The following CNTNAP2 variants were observed in gnomAD, a reference collection of about 807,000 sequenced individuals.
CNTNAP2 encodes the protein contactin-associated protein-like 2.
A neutral mutation model predicts 155.2 loss-of-function variants in CNTNAP2; 98 were observed. The ratio of observed to expected loss-of-function variants is 0.63; its 90% confidence interval spans 0.54 to 0.75. CNTNAP2 has a LOEUF of 0.75. CNTNAP2 is among the 30% of genes least tolerant of loss of function. The pLI is 0.00. For synonymous variants in CNTNAP2, 651 were observed against 631.2 expected (o/e 1.03, Z -0.47); for missense variants, 1,727 against 1,688.1 (o/e 1.02, Z -0.40).
chr7:147,565,084 G>T (rs10223972), intron 12 of CNTNAP2, among the ~76,000 whole-genome samples: 1 of 151,946 alleles, frequency 6.6e-6, no homozygotes, highest in African/African-American at 2.4e-5. Context: ...GCATGAAGTA[G>T]TCTATAAAGT....
At chr7:146,806,308 T>C (rs868645152) in intron 2 of CNTNAP2, among the ~76,000 whole-genome samples, 26 of 151,860 alleles carry the variant, frequency 1.7e-4, no homozygotes, top group Admixed American at 6.6e-4. Flanking sequence ...CTGATCAACA[T>C]TGTGAAACCC....
chr7:146,677,376 G>A (rs1800418981), intron 1 of CNTNAP2, among the ~76,000 whole-genome samples: 1 of 152,200 alleles, frequency 6.6e-6, no homozygotes, highest in Non-Finnish European at 1.5e-5. Flanking sequence ...AAGGTAGCAG[G>A]ATTCAGAGAG....
At chr7:147,732,137 G>A (rs1240246805) in intron 13 of CNTNAP2, among the ~76,000 whole-genome samples, 2 of 151,378 alleles carry the variant, frequency 1.3e-5, no homozygotes, top group Admixed American at 6.6e-5. Flanking sequence ...TGCTGCACCC[G>A]TTAACTGGTC....
At chr7:146,770,708 A>G (rs1389054353) in intron 1 of CNTNAP2, among the ~76,000 whole-genome samples, 1 of 152,076 alleles carries the variant, frequency 6.6e-6, no homozygotes, top group African/African-American at 2.4e-5. Context: ...TAAAAAATGT[A>G]AAATTTGGTA....
At chr7:147,475,139 C>A (rs1381336559) in intron 10 of CNTNAP2, among the ~76,000 whole-genome samples, 3 of 152,186 alleles carry the variant, frequency 2.0e-5, no homozygotes, top group Non-Finnish European at 2.9e-5. Flanking sequence ...AGTTTCTAAC[C>A]AATAAATATT....
chr7:146,165,631 T>C (rs1272790237), intron 1 of CNTNAP2, among the ~76,000 whole-genome samples: 1 of 152,208 alleles, frequency 6.6e-6, no homozygotes, highest in Non-Finnish European at 1.5e-5. Flanking sequence ...ATTTTATATG[T>C]ATCTAAATCT....
intron 22 of CNTNAP2, among the ~76,000 whole-genome samples, chr7:148,405,661 G>A (rs1799687595): frequency 8.2e-6 from 1 of 121,770 alleles, no homozygotes; most frequent in Admixed American, 1.0e-4. Context: ...CTGTCACCAG[G>A]CTGGAGTGCA....
chr7:147,494,468 C>CAAAAAAAAAAAAAAAAAAAAAAAAAA (rs10562874), intron 11 of CNTNAP2, among the ~76,000 whole-genome samples: 1 of 116,386 alleles, frequency 8.6e-6, no homozygotes. Flanking sequence ...TGAGTCTTGG[C>CAAAAAAAAAAAAAAAAAAAAAAAAAA]AAAAAAAAAA....
chr7:147,239,157 C>G (rs1458503008), intron 8 of CNTNAP2, among the ~76,000 whole-genome samples: 1 of 152,080 alleles, frequency 6.6e-6, no homozygotes, highest in Non-Finnish European at 1.5e-5. Flanking sequence ...ATGCAAAACT[C>G]TGCTTGATAA....
chr7:147,128,654 A>G, intron 6 of CNTNAP2, 39 bp from the exon 7 acceptor site: 2 of 1,612,330 alleles, frequency 1.2e-6, no homozygotes, highest in Non-Finnish European at 1.7e-6. Context: ...TCATCATAAT[A>G]CAATGTGGAC....
At chr7:147,799,026 A>G (rs1362332301) in intron 13 of CNTNAP2, among the ~76,000 whole-genome samples, 1 of 152,180 alleles carries the variant, frequency 6.6e-6, no homozygotes, top group African/African-American at 2.4e-5. Flanking sequence ...ACACATGCAA[A>G]AGCAGCCAGT....
chr7:146,625,880 A>G (rs909847080), intron 1 of CNTNAP2, among the ~76,000 whole-genome samples: 4 of 152,094 alleles, frequency 2.6e-5, no homozygotes, highest in African/African-American at 4.8e-5. Context: ...GTTACCAGGA[A>G]CTTGAAGCTG....
chr7:146,722,218 G>T lies in CNTNAP2; in HGVS notation c.98-52053G>T, dbSNP rs546778667. Among the ~76,000 whole-genome samples, 6 of 151,866 alleles carry T rather than the reference G, an allele frequency of 4.0e-5. No individual in the cohort carries two copies. In the South Asian group the frequency reaches 8.3e-4, roughly 21 times the overall value. On this transcript the variant is annotated intron_variant, in intron 1 of 23. Coordinates refer to ENST00000361727, the MANE Select transcript of CNTNAP2 (RefSeq NM_014141.6). ...CTGTGTAAACATATTAAACGATAAG[G>T]TGCTCACTATTTTCTGAGCTGTACA...
intron 8 of CNTNAP2, among the ~76,000 whole-genome samples, chr7:147,236,277 G>A (rs1291224355): frequency 6.6e-6 from 1 of 152,176 alleles, no homozygotes; most frequent in Non-Finnish European, 1.5e-5. Flanking sequence ...ACGCTGTGTG[G>A]GCTGCCCCCA....
At chr7:148,098,253 G>C (rs564976772) in intron 15 of CNTNAP2, among the ~76,000 whole-genome samples, 226 of 151,758 alleles carry the variant, frequency 1.5e-3, no homozygotes, top group African/African-American at 4.7e-3. Context: ...AGACCATCCT[G>C]GCAAACATGG....
chr7:146,721,238 C>T lies in CNTNAP2; in HGVS notation c.98-53033C>T, dbSNP rs901611195. Among the ~76,000 whole-genome samples, 360 of 118,362 alleles carry T rather than the reference C, an allele frequency of 3.0e-3. 15 individuals carry two copies. The highest frequency in any genetic ancestry group is 0.011 in the East Asian group (39 of 3,596). 77.7% of individuals were successfully genotyped at this position (118,362 alleles called of 152,430 possible). ...ATTCTCTATATATATTCTCTATATA[C>T]TCTCTCTATATTCTCTATATACTCT... is the stretch of plus-strand genomic sequence containing the variant. On this transcript the variant is annotated intron_variant, in intron 1 of 23. Transcript: ENST00000361727.
chr7:147,859,730 G>A lies in CNTNAP2; in HGVS notation c.2099-43835G>A, dbSNP rs911281512. The stretch of plus-strand genomic sequence containing the variant: ...TTTCAAAGAATGTGTTAGTACAATG[G>A]GGCTTCTTCTCAAGAGCAAAGTAAC... On this transcript the variant is annotated intron_variant, in intron 13 of 23. Coordinates refer to ENST00000361727, the MANE Select transcript of CNTNAP2 (RefSeq NM_014141.6). Among the ~76,000 whole-genome samples, 3 of 152,066 alleles carry A rather than the reference G, an allele frequency of 2.0e-5. No homozygotes were observed. The East Asian group carries it at 5.8e-4, about 29-fold the overall frequency.
chr7:148,341,082 C>A (rs1413657675), intron 21 of CNTNAP2, among the ~76,000 whole-genome samples: 1 of 152,126 alleles, frequency 6.6e-6, no homozygotes, highest in African/African-American at 2.4e-5. Context: ...ATGCACTTAG[C>A]GCTGATTGTG....
At chr7:148,091,207 G>A (rs1299660036) in intron 15 of CNTNAP2, among the ~76,000 whole-genome samples, 2 of 152,082 alleles carry the variant, frequency 1.3e-5, no homozygotes, top group African/African-American at 4.8e-5. Context: ...ATTGCTATGA[G>A]AGTGGATTTT....
Sources: allele counts gnomAD v4.1 joint callset (sites outside exome capture counted in the v4.1 genomes callset), GRCh38; gene constraint gnomAD v4.1.1; transcripts MANE v1.5; gene names NCBI Gene and HGNC (gene_info 2026-07-23, HGNC 2026-07-21).